The following SLC25A21 variants were observed in gnomAD, a reference collection of about 807,000 sequenced individuals.
SLC25A21 encodes solute carrier family 25 member 21, also known as mitochondrial 2-oxodicarboxylate carrier.
Under a neutral mutation model 43.8 loss-of-function variants are expected in SLC25A21, and 47 were observed. That is an observed-to-expected ratio of 1.07 (90% CI 0.85 to 1.37). SLC25A21 has a LOEUF of 1.37. SLC25A21 is among the 40% of genes most tolerant of loss of function. The pLI is 0.00. For missense variants in SLC25A21, 352 were observed against 350.2 expected, an observed-to-expected ratio of 1.00 and a Z score of -0.04; for synonymous variants, 131 against 121.3, an observed-to-expected ratio of 1.08 and a Z score of -0.52.
In SLC25A21 at chr14:37,040,224, GAAA is replaced by G. The variant is rs1252983526; in HGVS notation, c.70+132054_70+132056del. Among the ~76,000 whole-genome samples the G allele has an allele frequency of 7.2e-4, 55 of 76,080 alleles. 1 individual carries two copies. The highest frequency in any genetic ancestry group is 3.0e-3 in the African/African-American group (26 of 8,662). 49.9% of individuals were successfully genotyped at this position (76,080 alleles called of 152,430 possible). On this transcript the variant is annotated intron_variant, in intron 1 of 9. Coordinates refer to ENST00000331299, the MANE Select transcript of SLC25A21 (RefSeq NM_030631.4). The stretch of plus-strand genomic sequence containing the variant: ...AGAAAGAAAAAAAGAAAAAGAAAAA[GAAA>G]AAGAAAGGGAGGAAGGGAGGAAGGG...
chr14:37,152,136 A>G (rs1443219630), intron 1 of SLC25A21, among the ~76,000 whole-genome samples: 1 of 152,182 alleles, frequency 6.6e-6, no homozygotes, highest in Non-Finnish European at 1.5e-5. Context: ...GATTTATCTT[A>G]CTTTTTAAAA....
At chr14:37,085,848 G>A (rs1276855635) in intron 1 of SLC25A21, among the ~76,000 whole-genome samples, 2 of 152,190 alleles carry the variant, frequency 1.3e-5, no homozygotes, top group Non-Finnish European at 2.9e-5. Context: ...GCTTACGCCT[G>A]TAATCCCAGC....
At chr14:36,764,194 G>GAAAGAAAGAAAGAC (rs1185480005) in intron 3 of SLC25A21, among the ~76,000 whole-genome samples, 23 of 92,184 alleles carry the variant, frequency 2.5e-4, no homozygotes, top group Admixed American at 1.0e-4. Context: ...GAAAGAAAGA[G>GAAAGAAAGAAAGAC]AAAGAAAGAA....
intron 5 of SLC25A21, 151 bp downstream of exon 5, chr14:36,729,356 T>G: frequency 1.8e-6 from 1 of 570,880 alleles, no homozygotes; most frequent in Non-Finnish European, 3.0e-6. Flanking sequence ...TGTGAGTTAT[T>G]AGGAAGATGG....
chr14:36,680,550 G>A lies in SLC25A21; in HGVS notation c.*108C>T. ...TTAAAATAGATTTTGTTCTTGAACA[G>A]TTTTCTCCTTCATAATTATACACCT... On this transcript the variant is annotated 3_prime_UTR_variant, in exon 10 of 10. Coordinates refer to ENST00000331299, the MANE Select transcript of SLC25A21 (RefSeq NM_030631.4). 2.1e-6 allele frequency: 3 copies of A among 1,429,290 alleles called. No individual in the cohort carries two copies. Among genetic ancestry groups the A allele is most frequent in the Non-Finnish European group, 2.8e-6 (3 of 1,087,794 alleles). 88.5% of individuals were successfully genotyped at this position (1,429,290 alleles called of 1,614,324 possible). A position where few individuals can be genotyped will look rare whatever the true frequency, so the allele number is the denominator to read the frequency against.
intron 1 of SLC25A21, among the ~76,000 whole-genome samples, chr14:37,116,168 T>C (rs1963102133): frequency 6.6e-6 from 1 of 152,164 alleles, no homozygotes; most frequent in African/African-American, 2.4e-5. Context: ...ACTAAGCGAA[T>C]ACATGTTATA....
intron 1 of SLC25A21, among the ~76,000 whole-genome samples, chr14:36,903,741 G>C (rs1891460750): frequency 6.6e-6 from 1 of 150,772 alleles, no homozygotes; most frequent in Non-Finnish European, 1.5e-5. Context: ...GCTTCCTTGA[G>C]TCACTCTCCC....
rs1964037453 is a variant in SLC25A21 at position 37,166,828 on chromosome 14, G to A, written c.70+5453C>T. On this transcript the variant is annotated intron_variant, in intron 1 of 9. Coordinates refer to ENST00000331299, the MANE Select transcript of SLC25A21 (RefSeq NM_030631.4). ...TTTGTAGGTGTTTTGAAGCCATTAG[G>A]CAAACAATTAGTGAGAGGAAATATT... 2.0e-5 allele frequency among the ~76,000 whole-genome samples: 3 copies of A among 152,212 alleles called. No individual in the cohort carries two copies. In the South Asian group the frequency reaches 6.2e-4, roughly 32 times the overall value.
chr14:36,680,868 T>C (rs1882214391), intron 9 of SLC25A21, 149 bp from the exon 10 acceptor site: 1 of 500,922 alleles, frequency 2.0e-6, no homozygotes, highest in Non-Finnish European at 3.4e-6. Flanking sequence ...TACCAAGATA[T>C]AAACTACTGT....
chr14:37,072,734 CTG>C (rs750071791), intron 1 of SLC25A21, among the ~76,000 whole-genome samples: 2 of 151,982 alleles, frequency 1.3e-5, no homozygotes, highest in Non-Finnish European at 2.9e-5. Context: ...GAGCAAGACT[CTG>C]TCTCAAAAAT....
At chr14:37,120,250 C>T (rs1488373392) in intron 1 of SLC25A21, among the ~76,000 whole-genome samples, 2 of 152,108 alleles carry the variant, frequency 1.3e-5, no homozygotes, top group Non-Finnish European at 2.9e-5. Flanking sequence ...ATCTCCTCAC[C>T]CACCACCTCC....
At chr14:36,682,809 A>G (rs371164350) in intron 9 of SLC25A21, among the ~76,000 whole-genome samples, 1 of 152,234 alleles carries the variant, frequency 6.6e-6, no homozygotes, top group African/African-American at 2.4e-5. Context: ...AAAGATTGGG[A>G]TAGATGGGTT....
At chr14:36,936,687 G>A (rs189383491) in intron 1 of SLC25A21, among the ~76,000 whole-genome samples, 1 of 152,060 alleles carries the variant, frequency 6.6e-6, no homozygotes, top group African/African-American at 2.4e-5. Flanking sequence ...TGCCAAGAAC[G>A]GTAATATAAG....
At chr14:36,790,190 A>G (rs1024167898) in intron 3 of SLC25A21, among the ~76,000 whole-genome samples, 2 of 151,308 alleles carry the variant, frequency 1.3e-5, no homozygotes, top group Admixed American at 1.3e-4. Flanking sequence ...CTTAGGATAT[A>G]AGTATATTTA....
At chr14:36,824,762 T>C (rs1888761501) in intron 2 of SLC25A21, among the ~76,000 whole-genome samples, 2 of 130,114 alleles carry the variant, frequency 1.5e-5, no homozygotes, top group South Asian at 2.4e-4. Flanking sequence ...GAATCACTTA[T>C]ATAGCCCCCA....
At chr14:36,986,136 C>T (rs936516714) in intron 1 of SLC25A21, among the ~76,000 whole-genome samples, 16 of 152,112 alleles carry the variant, frequency 1.1e-4, no homozygotes, top group Non-Finnish European at 1.9e-4. Flanking sequence ...CTCTCAGGCA[C>T]TCTCAATGGA....
intron 1 of SLC25A21, among the ~76,000 whole-genome samples, chr14:36,963,767 G>A (rs571707478): frequency 4.6e-5 from 7 of 152,146 alleles, no homozygotes; most frequent in South Asian, 2.1e-4. Context: ...GTGACCCCTC[G>A]TTACCCTGCG....
rs546461831 is a variant in SLC25A21 at position 37,156,449 on chromosome 14, CATTA to C, written c.70+15828_70+15831del. 4.7e-3 allele frequency among the ~76,000 whole-genome samples: 720 copies of C among 152,092 alleles called. 2 individuals are homozygous for C. Among genetic ancestry groups the C allele is most frequent in the Non-Finnish European group, 7.2e-3 (489 of 67,974 alleles). ...TATCAATAATAATCTTGAACATAAA[CATTA>C]AATAATCCACATAAATGATACAGAA... is the stretch of plus-strand genomic sequence containing the variant. On this transcript the variant is annotated intron_variant, in intron 1 of 9. Transcript: ENST00000331299.
intron 1 of SLC25A21, among the ~76,000 whole-genome samples, chr14:36,926,195 T>C (rs1484538740): frequency 3.3e-5 from 5 of 152,088 alleles, no homozygotes; most frequent in African/African-American, 7.2e-5. Context: ...CAAAAATCAA[T>C]AGTAGACAAA....
Sources: allele counts gnomAD v4.1 joint callset (sites outside exome capture counted in the v4.1 genomes callset), GRCh38; gene constraint gnomAD v4.1.1; transcripts MANE v1.5; gene names NCBI Gene and HGNC (gene_info 2026-07-23, HGNC 2026-07-21).